Variants in C21orf91 observed in about 807,000 individuals in gnomAD.
C21orf91 encodes chromosome 21 open reading frame 91.
Under a neutral mutation model 32.9 loss-of-function variants are expected in C21orf91, and 26 were observed. The ratio of observed to expected loss-of-function variants is 0.79; its 90% CI spans 0.58 to 1.10. The LOEUF (loss-of-function observed/expected upper bound fraction) is 1.10, where lower values mean the gene tolerates loss of function less well. Ranked by LOEUF, C21orf91 falls within the 50% of genes least tolerant of loss-of-function variation. The pLI, the probability that C21orf91 is intolerant of heterozygous loss-of-function variation, is 0.00. For synonymous variants in C21orf91, 126 were observed against 120.4 expected (o/e 1.05, Z -0.31); for missense variants, 310 against 341.3 (o/e 0.91, Z 0.72).
At position 17,796,952 on chromosome 21, in the gene C21orf91, C is replaced by T; in HGVS notation, c.294G>A (p.Val98=). 1.2e-6 allele frequency: 2 copies of T among 1,613,628 alleles called. No individual in the cohort carries two copies. The highest frequency in any genetic ancestry group is 2.2e-5 in the South Asian group (2 of 91,060). The change falls in exon 3 of 5, where the codon GTG becomes GTA. Residue 98 remains valine (V), a synonymous_variant. Transcript: ENST00000284881. ...TILSKKINWI[V]QYAQNKDLDS... ...CCAGATCCTTATTTTGTGCATACTG[C>T]ACAATCCAGTTTATCTTCTTACTCA...
intron 2 of C21orf91, among the ~76,000 whole-genome samples, chr21:17,800,175 G>A (rs2146251037): frequency 6.6e-6 from 1 of 152,246 alleles, no homozygotes; most frequent in Middle Eastern, 3.4e-3. Context: ...TATGTTAACT[G>A]TAGCTCATTC....
rs193299168 is a variant in C21orf91 at position 17,815,904 on chromosome 21, C to T, written c.127+2288G>A. On this transcript the variant is annotated intron_variant, in intron 2 of 4. Coordinates refer to ENST00000284881, the MANE Select transcript of C21orf91 (RefSeq NM_001100420.2). ...CGAACTCCCAACCTCAGGTGATCCGCCTGCCTTGGCCTCCCAAAATGTTGG... is the reference window on the plus strand; with the variant it reads ...CGAACTCCCAACCTCAGGTGATCCGTCTGCCTTGGCCTCCCAAAATGTTGG... Among the ~76,000 whole-genome samples the T allele has an allele frequency of 9.5e-4, 144 of 152,342 alleles. 2 individuals are homozygous for T. Among genetic ancestry groups the T allele is most frequent in the South Asian group, 1.7e-3 (8 of 4,826 alleles).
rs976146423 is a variant in C21orf91, at chr21:17,790,286, C to T, written c.*3129G>A. 6.6e-6 allele frequency: 1 copy of T among 151,884 alleles called. No homozygotes were observed. Among genetic ancestry groups the T allele is most frequent in the Non-Finnish European group, 1.5e-5 (1 of 67,892 alleles). 9.4% of individuals were successfully genotyped at this position (151,884 alleles called of 1,614,324 possible). A position where few individuals can be genotyped will look rare whatever the true frequency, so the allele number is the denominator to read the frequency against. On this transcript the variant is annotated 3_prime_UTR_variant, in exon 5 of 5. Transcript: ENST00000284881. ...ACCCAAACTGGGAAACATTAAAACA[C>T]AAATAGATCTAAAAGCTTACTTTAA...
At chr21:17,802,631 C>T (rs2062569707) in intron 2 of C21orf91, among the ~76,000 whole-genome samples, 1 of 152,182 alleles carries the variant, frequency 6.6e-6, no homozygotes, top group Non-Finnish European at 1.5e-5. Context: ...TACCACATGT[C>T]CCATGATCCT....
intron 2 of C21orf91, among the ~76,000 whole-genome samples, chr21:17,808,765 G>T (rs1333632544): frequency 1.3e-5 from 2 of 152,174 alleles, no homozygotes; most frequent in Non-Finnish European, 2.9e-5. Context: ...AAGGGTGATT[G>T]TATTTTGCAA....
rs150952321 is a variant in C21orf91, at chr21:17,799,070, A to G, written c.128-1952T>C. On this transcript the variant is annotated intron_variant, in intron 2 of 4. Transcript: ENST00000284881. ...TGCACTGCCTCAGCTCTATGTAGCA[A>G]TGAAATTCTTTAGCATATAAAAAAG... 3.8e-3 allele frequency among the ~76,000 whole-genome samples: 583 copies of G among 152,352 alleles called. 2 individuals carry two copies. Among genetic ancestry groups the G allele is most frequent in the African/African-American group, 0.014 (564 of 41,586 alleles).
intron 2 of C21orf91, among the ~76,000 whole-genome samples, chr21:17,813,071 A>G (rs755562580): frequency 3.3e-5 from 5 of 152,238 alleles, no homozygotes; most frequent in Non-Finnish European, 5.9e-5. Flanking sequence ...CAGAATTCCC[A>G]TTAGGCTTTA....
At chr21:17,816,780 T>C (rs2062667244) in intron 2 of C21orf91, among the ~76,000 whole-genome samples, 1 of 152,210 alleles carries the variant, frequency 6.6e-6, no homozygotes, top group African/African-American at 2.4e-5. Flanking sequence ...CCCTGGGCAG[T>C]CCAACTTTTT....
chr21:17,815,644 C>A (rs1555825301), intron 2 of C21orf91, among the ~76,000 whole-genome samples: 2 of 152,034 alleles, frequency 1.3e-5, no homozygotes, highest in Non-Finnish European at 2.9e-5. Context: ...ATCCTCATTT[C>A]CCTCCTCTTT....
intron 2 of C21orf91, among the ~76,000 whole-genome samples, chr21:17,814,541 G>A (rs1568757171): frequency 6.6e-6 from 1 of 152,216 alleles, no homozygotes; most frequent in Non-Finnish European, 1.5e-5. Flanking sequence ...GGCTGTACAA[G>A]AAGCATGGTA....
At chr21:17,813,046 C>G (rs2062643196) in intron 2 of C21orf91, among the ~76,000 whole-genome samples, 1 of 152,180 alleles carries the variant, frequency 6.6e-6, no homozygotes, top group Non-Finnish European at 1.5e-5. Context: ...TATTAAAGAT[C>G]ACCAAGCTAA....
intron 2 of C21orf91, among the ~76,000 whole-genome samples, chr21:17,797,845 A>AT (rs1460295016): frequency 3.3e-5 from 5 of 152,070 alleles, no homozygotes; most frequent in Admixed American, 3.3e-4. Context: ...TATACCATAA[A>AT]TAACAGAAAT....
At chr21:17,805,821 G>C (rs1004600197) in intron 2 of C21orf91, among the ~76,000 whole-genome samples, 1 of 152,076 alleles carries the variant, frequency 6.6e-6, no homozygotes, top group African/African-American at 2.4e-5. Context: ...TGAATGTACT[G>C]ACATTTATTC....
At chr21:17,803,048 G>C (rs1372470495) in intron 2 of C21orf91, among the ~76,000 whole-genome samples, 1 of 152,200 alleles carries the variant, frequency 6.6e-6, no homozygotes, top group Non-Finnish European at 1.5e-5. Flanking sequence ...ACTTAGAGCA[G>C]AATTAGGGAA....
At chr21:17,808,693 CTT>C (rs1422938032) in intron 2 of C21orf91, among the ~76,000 whole-genome samples, 2 of 152,290 alleles carry the variant, frequency 1.3e-5, no homozygotes, top group East Asian at 3.9e-4. Context: ...TCAGATGAGA[CTT>C]TGGACTGTGG....
At chr21:17,797,289 C>T (rs1201552399) in intron 2 of C21orf91, among the ~76,000 whole-genome samples, 171 bp from the exon 3 acceptor site, 1 of 152,016 alleles carries the variant, frequency 6.6e-6, no homozygotes, top group African/African-American at 2.4e-5. Context: ...ATTTCTGCTT[C>T]AATATTCAGT....
chr21:17,816,122 C>T, intron 2 of C21orf91, among the ~76,000 whole-genome samples: 1 of 152,208 alleles, frequency 6.6e-6, no homozygotes, highest in Non-Finnish European at 1.5e-5. Flanking sequence ...TATATAAAAC[C>T]TTGAATATAC....
intron 3 of C21orf91, among the ~76,000 whole-genome samples, 193 bp downstream of exon 3, chr21:17,796,389 C>T (rs2062518216): frequency 6.6e-6 from 1 of 152,160 alleles, no homozygotes; most frequent in Non-Finnish European, 1.5e-5. Context: ...TGCTTAACTT[C>T]AATGCTTAGA....
chr21:17,801,864 T>C (rs1302866408), intron 2 of C21orf91, among the ~76,000 whole-genome samples: 2 of 152,122 alleles, frequency 1.3e-5, no homozygotes, highest in Non-Finnish European at 2.9e-5. Flanking sequence ...GGGTTTCTTC[T>C]CACTAGAGGC....
Sources: gnomAD v4.1 joint callset for allele counts (sites outside exome capture counted in the v4.1 genomes callset) on GRCh38, gnomAD v4.1.1 for gene constraint, MANE v1.5 for transcripts, NCBI Gene and HGNC (gene_info 2026-07-23, HGNC 2026-07-21) for gene names.